MAP3K20: variants seen among roughly 807,000 people sequenced by gnomAD.
MAP3K20 encodes the protein HCCS-4.
In MAP3K20, 40 loss-of-function variants were observed where a neutral mutation model predicts 85.7. That is an observed-to-expected ratio of 0.47 (90% CI 0.36 to 0.61). The LOEUF is 0.61. MAP3K20 is among the 20% of genes least tolerant of loss of function. MAP3K20 has a pLI of 0.00. For synonymous variants in MAP3K20, 325 were observed against 327.7 expected, an observed-to-expected ratio of 0.99 and a Z score of 0.09; for missense variants, 817 against 961.7, an observed-to-expected ratio of 0.85 and a Z score of 1.99.
chr2:173,103,216 A>T lies in MAP3K20; in HGVS notation c.159+12026A>T, dbSNP rs1687685001. Among the ~76,000 whole-genome samples the T allele has an allele frequency of 2.0e-5, 3 of 152,314 alleles. No homozygotes were observed. In the South Asian group the frequency reaches 6.2e-4, roughly 32 times the overall value. On this transcript the variant is annotated intron_variant, in intron 2 of 19. Coordinates refer to ENST00000375213, the MANE Select transcript of MAP3K20 (RefSeq NM_016653.3). ...GACTTTTTCTCCCTAAAACCTCAGG[A>T]TGTCTTCTTAACTACACAGTAAAGC...
Position 173,171,837 on chromosome 2 carries a change from C to T in MAP3K20, c.247+1945C>T, listed in dbSNP as rs75577429. Among the ~76,000 whole-genome samples the T allele has an allele frequency of 2.0e-3, 300 of 152,232 alleles. 1 individual carries two copies. The highest frequency in any genetic ancestry group is 6.7e-3 in the African/African-American group (280 of 41,558). On this transcript the variant is annotated intron_variant, in intron 3 of 19. Coordinates refer to ENST00000375213, the MANE Select transcript of MAP3K20 (RefSeq NM_016653.3). ...TAACATTAAACCTAAAGAATTAAAA[C>T]AACACAAGTTTCAGATTATGAGGCA... is the stretch of plus-strand genomic sequence containing the variant.
At chr2:173,251,288 C>T (rs1449281418) in intron 16 of MAP3K20, among the ~76,000 whole-genome samples, 1 of 151,812 alleles carries the variant, frequency 6.6e-6, no homozygotes, top group African/African-American at 2.4e-5. Flanking sequence ...TTGCTGAAAC[C>T]CTGAGCATTC....
At chr2:173,187,981 T>C (rs1454441431) in intron 5 of MAP3K20, among the ~76,000 whole-genome samples, 2 of 152,232 alleles carry the variant, frequency 1.3e-5, no homozygotes, top group Admixed American at 1.3e-4. Flanking sequence ...TATGCAGTCA[T>C]ATATTTTTAG....
Position 173,169,893 on chromosome 2 carries a change from G to GT in MAP3K20, c.247+2dup. On this transcript the variant is annotated splice_donor_variant, in intron 3 of 19. Transcript: ENST00000375213. LOFTEE classifies it high-confidence loss of function. Reference sequence around the variant, plus strand: ...CCTCCCAACTATGGCATTGTCACAGGTAAGAATTCAGTGTTTGACTTCTTT... The same window carrying GT: ...CCTCCCAACTATGGCATTGTCACAGGTTAAGAATTCAGTGTTTGACTTCTTT... 1 of 1,612,818 alleles carries GT rather than the reference G, an allele frequency of 6.2e-7. No homozygotes were observed. The highest frequency in any genetic ancestry group is 1.7e-5 in the Admixed American group (1 of 59,890).
chr2:173,249,198 T>C (rs930375946), intron 16 of MAP3K20, among the ~76,000 whole-genome samples: 1 of 152,222 alleles, frequency 6.6e-6, no homozygotes, highest in Non-Finnish European at 1.5e-5. Flanking sequence ...GGCACAGTTG[T>C]CTATAGGAGA....
At chr2:173,234,202 T>A (rs1201127389) in intron 14 of MAP3K20, among the ~76,000 whole-genome samples, 1 of 152,162 alleles carries the variant, frequency 6.6e-6, no homozygotes, top group African/African-American at 2.4e-5. Flanking sequence ...AAGGATCAGT[T>A]CGGAGGAAGG....
chr2:173,112,070 G>A (rs1036099243), intron 2 of MAP3K20, among the ~76,000 whole-genome samples: 6 of 152,076 alleles, frequency 3.9e-5, no homozygotes, highest in African/African-American at 9.7e-5. Flanking sequence ...CCATTTGTTC[G>A]TGTCATCTAT....
At chr2:173,249,222 TTAG>T (rs1360218681) in intron 16 of MAP3K20, among the ~76,000 whole-genome samples, 1 of 152,212 alleles carries the variant, frequency 6.6e-6, no homozygotes, top group Non-Finnish European at 1.5e-5. Flanking sequence ...ATCTTTGCTT[TTAG>T]AAGAAAGTTT....
chr2:173,107,902 C>T (rs1687829505), intron 2 of MAP3K20, among the ~76,000 whole-genome samples: 1 of 152,144 alleles, frequency 6.6e-6, no homozygotes, highest in Non-Finnish European at 1.5e-5. Flanking sequence ...GGAACATATT[C>T]GAGATTTCTC....
intron 2 of MAP3K20, among the ~76,000 whole-genome samples, chr2:173,121,622 C>A (rs1189841663): frequency 6.6e-6 from 1 of 152,042 alleles, no homozygotes; most frequent in East Asian, 1.9e-4. Context: ...CTCCTGACCT[C>A]GTGATCCGCC....
At chr2:173,109,669 A>G (rs1687885680) in intron 2 of MAP3K20, among the ~76,000 whole-genome samples, 1 of 152,152 alleles carries the variant, frequency 6.6e-6, no homozygotes, top group Non-Finnish European at 1.5e-5. Context: ...ACTCTCATTC[A>G]GAGGAGAGTT....
intron 9 of MAP3K20, among the ~76,000 whole-genome samples, chr2:173,204,248 A>C (rs1380036765): frequency 6.6e-6 from 1 of 152,252 alleles, no homozygotes; most frequent in Non-Finnish European, 1.5e-5. Flanking sequence ...TCCTCAGAAT[A>C]TCTCTATGAA....
chr2:173,238,465 T>G (rs761092655), intron 15 of MAP3K20, 30 bp downstream of exon 15: 5 of 1,585,160 alleles, frequency 3.2e-6, no homozygotes, highest in East Asian at 2.2e-5. Context: ...CCGACACTAA[T>G]GCTACCTTTA....
At chr2:173,200,660 G>A (rs1330913796) in intron 8 of MAP3K20, among the ~76,000 whole-genome samples, 1 of 152,070 alleles carries the variant, frequency 6.6e-6, no homozygotes, top group Non-Finnish European at 1.5e-5. Flanking sequence ...GCTGGGTGTG[G>A]TTGTGCATAC....
chr2:173,247,580 G>A (rs139231241), intron 16 of MAP3K20, among the ~76,000 whole-genome samples: 12 of 152,292 alleles, frequency 7.9e-5, no homozygotes, highest in Non-Finnish European at 1.5e-4. Flanking sequence ...ACATGAATTT[G>A]TGTCCCTAAG....
chr2:173,169,818 G>C lies in MAP3K20; in HGVS notation c.173G>C (p.Ser58Thr). The change falls in exon 3 of 20, where the codon AGT (serine) becomes ACT (threonine). Residue 58 changes from serine to threonine, a missense_variant. Physicochemically the swap from Ser to Thr is moderately conservative, Grantham distance 58 (BLOSUM62 1). Transcript: ENST00000375213. ...LKIEKEAEIL[S>T]VLSHRNIIQF... ...TTTTTTGTACAGGCAGAAATACTCAGTGTCCTCAGTCACAGAAACATCATC... is the reference window on the plus strand; with the variant it reads ...TTTTTTGTACAGGCAGAAATACTCACTGTCCTCAGTCACAGAAACATCATC... The C allele has an allele frequency of 6.2e-7, 1 of 1,613,580 alleles. No individual in the cohort carries two copies.
chr2:173,253,917 C>T (rs1313935425), intron 16 of MAP3K20, among the ~76,000 whole-genome samples: 2 of 151,586 alleles, frequency 1.3e-5, no homozygotes, highest in South Asian at 2.1e-4. Flanking sequence ...AGAATAAAGG[C>T]GAAATTAGCC....
intron 2 of MAP3K20, among the ~76,000 whole-genome samples, chr2:173,118,820 A>G (rs1265887211): frequency 6.6e-6 from 1 of 152,114 alleles, no homozygotes; most frequent in Non-Finnish European, 1.5e-5. Flanking sequence ...AGAAATTACA[A>G]CTTTATCCTG....
intron 2 of MAP3K20, among the ~76,000 whole-genome samples, chr2:173,131,921 T>G (rs563615585): frequency 6.6e-6 from 1 of 152,330 alleles, no homozygotes; most frequent in Non-Finnish European, 1.5e-5. Context: ...TCTGATTCTT[T>G]GATTTTCTAG....
Sources: gnomAD v4.1 joint callset for allele counts (sites outside exome capture counted in the v4.1 genomes callset) on GRCh38, gnomAD v4.1.1 for gene constraint, MANE v1.5 for transcripts, NCBI Gene and HGNC (gene_info 2026-07-23, HGNC 2026-07-21) for gene names.